Variants in EPB41L1 observed in about 807,000 individuals in gnomAD.
EPB41L1 encodes the protein band 4.1-like protein 1.
EPB41L1 carries 29 observed loss-of-function variants against 97.8 expected under a neutral mutation model. The observed-to-expected ratio is 0.30, with a 90% CI of 0.22 to 0.40. The LOEUF is 0.40. EPB41L1 is among the 10% of genes least tolerant of loss of function. EPB41L1 has a pLI of 1.00. For missense variants in EPB41L1, 812 were observed against 1,162.3 expected, an observed-to-expected ratio of 0.70 and a Z score of 4.38; for synonymous variants, 383 against 459.2, an observed-to-expected ratio of 0.83 and a Z score of 2.12.
At chr20:36,182,238 G>C (rs943968822) in intron 5 of EPB41L1, 34 bp from the exon 6 acceptor site, 3 of 1,604,622 alleles carry the variant, frequency 1.9e-6, no homozygotes, top group Non-Finnish European at 2.6e-6. Flanking sequence ...TGGGGTGTTA[G>C]GGCCTCGCTG....
intron 2 of EPB41L1, among the ~76,000 whole-genome samples, chr20:36,131,710 A>G (rs868717227): frequency 1.3e-4 from 20 of 152,196 alleles, no homozygotes; most frequent in African/African-American, 4.6e-4. Context: ...GGTCAGGCCT[A>G]GAGAGAGGAA....
chr20:36,209,129 G>T lies in EPB41L1; in HGVS notation c.1669-359G>T, dbSNP rs953740354. On this transcript the variant is annotated intron_variant, in intron 14 of 21. Transcript: ENST00000338074. This position sits in a 1 kb window ranked among gnomAD's most constrained non-coding sequence, Gnocchi z 4.2. The stretch of plus-strand genomic sequence containing the variant: ...ACCTGCACGGATGGGCCTGGGGTCC[G>T]GGCTTCCATCCCTGCCTTTCGTGCA... Among the ~76,000 whole-genome samples the T allele has an allele frequency of 6.6e-6, 1 of 152,054 alleles. No individual in the cohort carries two copies. Among genetic ancestry groups the T allele is most frequent in the East Asian group, 1.9e-4 (1 of 5,188 alleles).
intron 9 of EPB41L1, 148 bp downstream of exon 9, chr20:36,188,647 G>C (rs913766098): frequency 1.2e-3 from 774 of 619,792 alleles, no homozygotes; most frequent in African/African-American, 7.5e-3. Flanking sequence ...CACACAGAGA[G>C]AGAGAGAGAG....
chr20:36,111,347 T>C (rs2058393959), intron 1 of EPB41L1, among the ~76,000 whole-genome samples: 1 of 152,166 alleles, frequency 6.6e-6, no homozygotes, highest in Non-Finnish European at 1.5e-5. Context: ...AGTGTGTGAG[T>C]CCAGGGTGCC....
At position 36,099,537 on chromosome 20, in the gene EPB41L1, C is replaced by T. The variant is rs770182322; in HGVS notation, c.-65+7925C>T. The stretch of plus-strand genomic sequence containing the variant: ...AATAACCCTTGGCCATTGTCATATC[C>T]GCTGCATTCTCCTCAGAGCCCAGCC... On this transcript the variant is annotated intron_variant, in intron 1 of 19. Transcript: ENST00000202028. 9.5e-4 allele frequency among the ~76,000 whole-genome samples: 145 copies of T among 152,056 alleles called. 3 individuals are homozygous for T. The highest frequency in any genetic ancestry group is 4.1e-4 in the South Asian group (2 of 4,820).
intron 1 of EPB41L1, among the ~76,000 whole-genome samples, chr20:36,172,423 A>G (rs562698061): frequency 1.3e-5 from 2 of 152,210 alleles, no homozygotes; most frequent in African/African-American, 2.4e-5. Context: ...CAAAACATAT[A>G]AAGTGAAAAG....
chr20:36,155,265 A>C (rs1036103558), intron 1 of EPB41L1: 9 of 437,160 alleles, frequency 2.1e-5, no homozygotes, highest in Non-Finnish European at 4.1e-5. Flanking sequence ...CTGCAGGAGG[A>C]GTTCTTGGCT....
intron 13 of EPB41L1, 25 bp from the exon 14 acceptor site, chr20:36,197,834 C>T (rs369469366): frequency 3.6e-5 from 58 of 1,613,926 alleles, no homozygotes; most frequent in Non-Finnish European, 4.6e-5. Context: ...CCCCTAACAC[C>T]ACCACCCTCT....
chr20:36,183,858 G>T lies in EPB41L1; in HGVS notation c.567-1259G>T, dbSNP rs77884531. On this transcript the variant is annotated intron_variant, in intron 6 of 21. Transcript: ENST00000338074. ...TTGGCCCTGGGCGCACACTGAGGCT[G>T]CACATACTTTTTGCCAGGACTTCAG... Among the ~76,000 whole-genome samples the T allele has an allele frequency of 7.3e-3, 1,108 of 152,236 alleles. 17 individuals carry two copies. The highest frequency in any genetic ancestry group is 0.026 in the African/African-American group (1,062 of 41,530).
In EPB41L1 at chr20:36,195,266, ATC is replaced by A. The variant is rs1202306210; in HGVS notation, c.1450-59_1450-58del. On this transcript the variant is annotated intron_variant, in intron 12 of 21. Coordinates refer to ENST00000338074, the MANE Select transcript of EPB41L1 (RefSeq NM_012156.2). This position sits in a 1 kb window ranked among gnomAD's most constrained non-coding sequence, Gnocchi z 4.6. Reference sequence around the variant, plus strand: ...CTTGCTGGACCAAGCCCATCGTGGTATCTCTAATCCATCTGCTCTACTGACCC... The same window carrying A: ...CTTGCTGGACCAAGCCCATCGTGGTATCTAATCCATCTGCTCTACTGACCC... The A allele has an allele frequency of 6.3e-7, 1 of 1,598,394 alleles. No individual in the cohort carries two copies. The highest frequency in any genetic ancestry group is 1.7e-5 in the Admixed American group (1 of 59,956).
At chr20:36,177,235 C>G (rs1055424365) in intron 3 of EPB41L1, among the ~76,000 whole-genome samples, 1 of 152,296 alleles carries the variant, frequency 6.6e-6, no homozygotes, top group Non-Finnish European at 1.5e-5. Flanking sequence ...CCATGTGATC[C>G]CCTTATTGGT....
chr20:36,110,833 G>A (rs1227334228), intron 1 of EPB41L1: 2 of 152,158 alleles, frequency 1.3e-5, no homozygotes, highest in African/African-American at 4.8e-5. Context: ...CTGTGACCTT[G>A]GGCAAGTCAC....
At chr20:36,147,823 A>C (rs1173879554) in intron 2 of EPB41L1, among the ~76,000 whole-genome samples, 6 of 152,082 alleles carry the variant, frequency 3.9e-5, no homozygotes, top group Non-Finnish European at 8.8e-5. Flanking sequence ...GGAATTAGAG[A>C]TGCTGTGATG....
At chr20:36,204,184 G>A (rs189712687) in intron 14 of EPB41L1, among the ~76,000 whole-genome samples, 1 of 152,248 alleles carries the variant, frequency 6.6e-6, no homozygotes, top group Admixed American at 6.5e-5. Context: ...TTCCATATCT[G>A]TATCACGAGG....
rs142716875 is a variant in EPB41L1 at position 36,102,215 on chromosome 20, C to A, written c.-64-10211C>A. Among the ~76,000 whole-genome samples, 538 of 152,136 alleles carry A rather than the reference C, an allele frequency of 3.5e-3. 1 individual carries two copies. The highest frequency in any genetic ancestry group is 9.7e-3 in the African/African-American group (403 of 41,492). ...GGACACAGATGGTTCTCAGATTGCCCTTGTAGAAGGCTGGCCTCAGATGTT... is the reference window on the plus strand; with the variant it reads ...GGACACAGATGGTTCTCAGATTGCCATTGTAGAAGGCTGGCCTCAGATGTT... On this transcript the variant is annotated intron_variant, in intron 1 of 19. Transcript: ENST00000202028.
At chr20:36,147,874 C>T (rs975437469) in intron 2 of EPB41L1, among the ~76,000 whole-genome samples, 2 of 152,162 alleles carry the variant, frequency 1.3e-5, no homozygotes, top group African/African-American at 4.8e-5. Flanking sequence ...CGACGGGAGG[C>T]TGGGTGGACA....
chr20:36,160,801 C>G (rs1197976117), intron 1 of EPB41L1, among the ~76,000 whole-genome samples: 1 of 152,156 alleles, frequency 6.6e-6, no homozygotes, highest in Admixed American at 6.5e-5. Flanking sequence ...ACATTGACAT[C>G]TTTTTATGTC....
intron 1 of EPB41L1, among the ~76,000 whole-genome samples, chr20:36,100,173 A>G (rs926689814): frequency 2.6e-5 from 4 of 152,298 alleles, no homozygotes; most frequent in African/African-American, 7.2e-5. Flanking sequence ...TGGGAAAGAG[A>G]GAGGGCTTAT....
chr20:36,164,973 A>C (rs1348887698), intron 1 of EPB41L1, among the ~76,000 whole-genome samples: 1 of 152,014 alleles, frequency 6.6e-6, no homozygotes, highest in Non-Finnish European at 1.5e-5. Flanking sequence ...GGTGTGAGCC[A>C]CTGCGCCTGG....
Sources: gnomAD v4.1 joint callset for allele counts (sites outside exome capture counted in the v4.1 genomes callset) on GRCh38, gnomAD v4.1.1 for gene constraint, Gnocchi (gnomAD v3.1) non-coding constraint, MANE v1.5 for transcripts, NCBI Gene and HGNC (gene_info 2026-07-23, HGNC 2026-07-21) for gene names.